Variants in FHIT observed in about 807,000 individuals in gnomAD.
FHIT encodes the protein bis(5'-adenosyl)-triphosphatase.
A neutral mutation model predicts 17.9 loss-of-function variants in FHIT; 19 were observed. The ratio of observed to expected loss-of-function variants is 1.06; its 90% CI spans 0.74 to 1.56. The LOEUF (loss-of-function observed/expected upper bound fraction) is 1.56. FHIT is among the 40% of genes most tolerant of loss of function. FHIT has a pLI of 0.00. For missense variants in FHIT, 248 were observed against 189.2 expected (o/e 1.31, Z -1.82); for synonymous variants, 81 against 69.7 (o/e 1.16, Z -0.81).
chr3:60,539,806 G>T (rs1426482623), intron 4 of FHIT, among the ~76,000 whole-genome samples: 5 of 151,498 alleles, frequency 3.3e-5, no homozygotes, highest in Non-Finnish European at 7.4e-5. Flanking sequence ...TGGGGCGAGG[G>T]TGGAGGGATA....
At chr3:60,527,827 G>T (rs377061644) in intron 5 of FHIT, among the ~76,000 whole-genome samples, 3 of 152,190 alleles carry the variant, frequency 2.0e-5, no homozygotes. Context: ...GAAGTTTGCA[G>T]CACATGTGAA....
intron 1 of FHIT, among the ~76,000 whole-genome samples, chr3:61,241,233 C>T (rs775037955): frequency 6.6e-6 from 1 of 152,142 alleles, no homozygotes; most frequent in Admixed American, 6.5e-5. Flanking sequence ...GAACTGGAAT[C>T]GCTAGTGCTC....
chr3:60,806,452 C>T (rs1421991171), intron 4 of FHIT, among the ~76,000 whole-genome samples: 1 of 152,158 alleles, frequency 6.6e-6, no homozygotes, highest in African/African-American at 2.4e-5. Context: ...ATGCCAGCAC[C>T]CCTTCTTTAG....
At chr3:60,221,606 T>C (rs972455761) in intron 5 of FHIT, among the ~76,000 whole-genome samples, 46 of 152,186 alleles carry the variant, frequency 3.0e-4, no homozygotes, top group African/African-American at 1.1e-3. Flanking sequence ...TGCCTACTTA[T>C]CTCTGCAACT....
At chr3:59,967,466 C>T (rs762763408) in intron 7 of FHIT, among the ~76,000 whole-genome samples, 13 of 152,118 alleles carry the variant, frequency 8.5e-5, no homozygotes, top group African/African-American at 1.4e-4. Context: ...AAGACAGCTA[C>T]GACATTGCAA....
intron 8 of FHIT, among the ~76,000 whole-genome samples, chr3:59,792,647 C>G (rs1575502626): frequency 6.6e-6 from 1 of 152,098 alleles, no homozygotes; most frequent in Admixed American, 6.5e-5. Context: ...AAATGCTTAA[C>G]AAGAATCTAG....
At chr3:60,016,848 C>T (rs2106712315) in intron 5 of FHIT, among the ~76,000 whole-genome samples, 1 of 152,286 alleles carries the variant, frequency 6.6e-6, no homozygotes, top group African/African-American at 2.4e-5. Context: ...AGCGTTCCTC[C>T]TTTGGCCCAA....
intron 4 of FHIT, among the ~76,000 whole-genome samples, chr3:60,634,105 G>A (rs11717799): frequency 0.22 from 33,243 of 152,102 alleles, 3,929 homozygotes; most frequent in Admixed American, 0.27. Context: ...CAGTGACCTT[G>A]GCCATGTCCT....
intron 8 of FHIT, among the ~76,000 whole-genome samples, chr3:59,801,639 G>A (rs1699997033): frequency 6.6e-6 from 1 of 152,120 alleles, no homozygotes; most frequent in Non-Finnish European, 1.5e-5. Context: ...CCAATGCTCT[G>A]TATCAATGCT....
At chr3:60,025,387 A>C (rs914936363) in intron 5 of FHIT, among the ~76,000 whole-genome samples, 9 of 152,200 alleles carry the variant, frequency 5.9e-5, no homozygotes, top group African/African-American at 2.2e-4. Context: ...AATCAGAAGA[A>C]TTCTTTGAAG....
chr3:60,423,274 C>A (rs1356127324), intron 5 of FHIT, among the ~76,000 whole-genome samples: 1 of 152,048 alleles, frequency 6.6e-6, no homozygotes, highest in Non-Finnish European at 1.5e-5. Context: ...ATCAACCAAC[C>A]CTGAAGCCCA....
At chr3:60,668,371 G>GAAAAAAAA (rs60941309) in intron 4 of FHIT, among the ~76,000 whole-genome samples, 1 of 68,016 alleles carries the variant, frequency 1.5e-5, no homozygotes, top group East Asian at 4.5e-4. Flanking sequence ...GCTCAATCAG[G>GAAAAAAAA]AAAAAAAAAA....
intron 4 of FHIT, among the ~76,000 whole-genome samples, chr3:60,710,773 C>T (rs1334292099): frequency 2.6e-5 from 4 of 152,232 alleles, no homozygotes; most frequent in African/African-American, 4.8e-5. Flanking sequence ...AGCCTGGAAG[C>T]TCCAACTGGG....
At chr3:59,847,452 T>C (rs1170370253) in intron 8 of FHIT, among the ~76,000 whole-genome samples, 4 of 152,198 alleles carry the variant, frequency 2.6e-5, no homozygotes, top group Non-Finnish European at 4.4e-5. Context: ...TCTCTCTTTA[T>C]TGATGTTGCC....
chr3:61,243,120 C>T (rs146162009), intron 1 of FHIT, among the ~76,000 whole-genome samples: 82 of 152,296 alleles, frequency 5.4e-4, no homozygotes, highest in African/African-American at 1.9e-3. Context: ...ACGAGGACAG[C>T]TTGGAGGTTA....
intron 4 of FHIT, among the ~76,000 whole-genome samples, chr3:60,656,439 T>C (rs2040117864): frequency 6.6e-6 from 1 of 152,186 alleles, no homozygotes; most frequent in Non-Finnish European, 1.5e-5. Flanking sequence ...CCTGCTACCA[T>C]GGGCCAAGAT....
chr3:60,410,962 T>G (rs1029808820), intron 5 of FHIT, among the ~76,000 whole-genome samples: 1 of 152,164 alleles, frequency 6.6e-6, no homozygotes, highest in Non-Finnish European at 1.5e-5. Context: ...TGACCATTAA[T>G]TCTTGAGCCC....
At chr3:59,793,004 C>T (rs1699633572) in intron 8 of FHIT, among the ~76,000 whole-genome samples, 1 of 152,010 alleles carries the variant, frequency 6.6e-6, no homozygotes, top group African/African-American at 2.4e-5. Context: ...ACTGTGACTG[C>T]TTGTTTATTC....
chr3:60,479,850 T>C (rs781050681), intron 5 of FHIT, among the ~76,000 whole-genome samples: 40 of 152,238 alleles, frequency 2.6e-4, no homozygotes, highest in Non-Finnish European at 5.4e-4. Context: ...AAACTGTCCA[T>C]CCCCCATGAC....
Sources: allele counts gnomAD v4.1 joint callset (sites outside exome capture counted in the v4.1 genomes callset), GRCh38; gene constraint gnomAD v4.1.1; transcripts MANE v1.5; gene names NCBI Gene and HGNC (gene_info 2026-07-23, HGNC 2026-07-21).